Variants in MYO3B observed in about 807,000 individuals in gnomAD.
MYO3B encodes the protein myosin IIIB.
Under a neutral mutation model 174.6 loss-of-function variants are expected in MYO3B, and 156 were observed. The ratio of observed to expected loss-of-function variants is 0.89; its 90% CI spans 0.78 to 1.02. The LOEUF is 1.02. Ranked by LOEUF, MYO3B falls within the 50% of genes least tolerant of loss-of-function variation. The pLI is 0.00. For missense variants in MYO3B, 1,632 were observed against 1,639.4 expected (o/e 1.00, Z 0.08); for synonymous variants, 563 against 569.1 (o/e 0.99, Z 0.15).
At chr2:170,580,295 A>C (rs1004600475) in intron 32 of MYO3B, among the ~76,000 whole-genome samples, 3 of 152,130 alleles carry the variant, frequency 2.0e-5, no homozygotes, top group Admixed American at 1.3e-4. Flanking sequence ...CTTGATATTC[A>C]ATTTTGTACC....
chr2:170,531,596 AGTT>A (rs998359984), intron 30 of MYO3B, among the ~76,000 whole-genome samples: 10 of 152,286 alleles, frequency 6.6e-5, no homozygotes, highest in East Asian at 1.9e-4. Flanking sequence ...TGATTAGAGG[AGTT>A]GTTGTTATCT....
chr2:170,323,053 GA>G (rs960845198), intron 7 of MYO3B, among the ~76,000 whole-genome samples: 67 of 150,694 alleles, frequency 4.4e-4, no homozygotes, highest in Admixed American at 1.5e-3. Flanking sequence ...CTTTGTTGAG[GA>G]AAAAAAAATC....
intron 32 of MYO3B, among the ~76,000 whole-genome samples, chr2:170,593,499 G>A (rs1195318323): frequency 1.3e-5 from 2 of 152,174 alleles, no homozygotes; most frequent in East Asian, 1.9e-4. Context: ...ATTGCAAGGT[G>A]CATAGCCCCT....
chr2:170,547,718 T>C (rs1347100168), intron 32 of MYO3B, among the ~76,000 whole-genome samples: 2 of 152,200 alleles, frequency 1.3e-5, no homozygotes, highest in East Asian at 3.8e-4. Context: ...AAAATAATCA[T>C]GCACTTGGAT....
intron 22 of MYO3B, among the ~76,000 whole-genome samples, chr2:170,411,154 G>A (rs2094543693): frequency 6.6e-6 from 1 of 152,166 alleles, no homozygotes; most frequent in Admixed American, 6.5e-5. Flanking sequence ...AACAGCCCCA[G>A]GATCACTTTC....
intron 9 of MYO3B, among the ~76,000 whole-genome samples, chr2:170,379,450 C>T (rs546012432): frequency 3.3e-5 from 5 of 152,284 alleles, no homozygotes; most frequent in African/African-American, 1.2e-4. Context: ...GCCTTGGCCG[C>T]CCAAAGTGCT....
chr2:170,599,958 A>G (rs546219934), intron 32 of MYO3B, among the ~76,000 whole-genome samples: 1 of 152,220 alleles, frequency 6.6e-6, no homozygotes, highest in East Asian at 1.9e-4. Context: ...TCTAGAAAAA[A>G]TTATTAAATT....
intron 1 of MYO3B, among the ~76,000 whole-genome samples, chr2:170,192,019 A>G (rs893694789): frequency 2.0e-5 from 3 of 151,988 alleles, no homozygotes; most frequent in Admixed American, 6.6e-5. Flanking sequence ...TGCTACTTTT[A>G]TCATGTTTTT....
chr2:170,402,032 G>A (rs562548032), intron 18 of MYO3B, among the ~76,000 whole-genome samples: 1 of 152,186 alleles, frequency 6.6e-6, no homozygotes, highest in Non-Finnish European at 1.5e-5. Flanking sequence ...TTGTACCCGA[G>A]AGGCAAAGGA....
chr2:170,473,310 T>G (rs959478575), intron 25 of MYO3B, among the ~76,000 whole-genome samples: 2 of 151,674 alleles, frequency 1.3e-5, no homozygotes, highest in African/African-American at 4.8e-5. Context: ...GCCCAGCTAA[T>G]TTTTTTGTAT....
At position 170,200,289 on chromosome 2, in the gene MYO3B, G is replaced by A; in HGVS notation, c.321+5G>A. On this transcript the variant is annotated splice_donor_5th_base_variant and intron_variant, in intron 3 of 34. Transcript: ENST00000408978. ...CAGCTGTGGCTGGTCCTGGAGGTAA[G>A]AGGCTCCCATTGGGTAACCAGTGAT... 1 of 1,608,910 alleles carries A rather than the reference G, an allele frequency of 6.2e-7. No individual in the cohort carries two copies. Among genetic ancestry groups the A allele is most frequent in the South Asian group, 1.1e-5 (1 of 90,074 alleles).
intron 9 of MYO3B, among the ~76,000 whole-genome samples, chr2:170,370,421 A>AT (rs2094232488): frequency 2.6e-5 from 4 of 151,710 alleles, no homozygotes; most frequent in South Asian, 4.2e-4. Flanking sequence ...CTCAGAGGGG[A>AT]TTTTTTTTCC....
At chr2:170,294,503 T>C (rs2093616470) in intron 7 of MYO3B, among the ~76,000 whole-genome samples, 1 of 152,064 alleles carries the variant, frequency 6.6e-6, no homozygotes, top group Non-Finnish European at 1.5e-5. Context: ...TTTACTGTGG[T>C]TATATACTGT....
intron 6 of MYO3B, among the ~76,000 whole-genome samples, chr2:170,224,427 T>C (rs2092931041): frequency 6.6e-6 from 1 of 152,130 alleles, no homozygotes; most frequent in African/African-American, 2.4e-5. Flanking sequence ...TTACAGTGTG[T>C]TCATATGGGA....
intron 32 of MYO3B, among the ~76,000 whole-genome samples, chr2:170,574,974 G>T (rs986610733): frequency 1.3e-5 from 2 of 152,082 alleles, no homozygotes; most frequent in Non-Finnish European, 2.9e-5. Context: ...TTAGAAGAGT[G>T]CAGGGAGATG....
intron 28 of MYO3B, among the ~76,000 whole-genome samples, chr2:170,513,675 TC>T (rs1688118578): frequency 6.6e-6 from 1 of 152,228 alleles, no homozygotes. Context: ...TGCTTTCATA[TC>T]TTTAATCTCT....
At chr2:170,609,314 C>T (rs2106358312) in intron 32 of MYO3B, among the ~76,000 whole-genome samples, 1 of 152,328 alleles carries the variant, frequency 6.6e-6, no homozygotes, top group Non-Finnish European at 1.5e-5. Flanking sequence ...ACATACCACA[C>T]ACACACGTAC....
Position 170,543,979 on chromosome 2 carries a change from C to T in MYO3B, c.3724C>T (p.Gln1242Ter). 6.2e-7 allele frequency: 1 copy of T among 1,612,102 alleles called. No homozygotes were observed. Residue 1242 changes from glutamine (Q) to a stop codon, truncating the protein, a stop_gained, in exon 32 of 35, where the codon CAA (glutamine) becomes TAA (stop). Coordinates refer to ENST00000408978, the MANE Select transcript of MYO3B (RefSeq NM_138995.5). LOFTEE classifies it high-confidence loss of function. ...AGGATTGAGTCTCTGGGGAGCCCCT[C>T]AAAAGCCTGGTAAGAAGAACGTTTT... ...QQGLSLWGAP[Q>*]KPGSENGLAQ...
At chr2:170,502,761 T>C (rs187872874) in intron 28 of MYO3B, among the ~76,000 whole-genome samples, 1 of 152,142 alleles carries the variant, frequency 6.6e-6, no homozygotes, top group African/African-American at 2.4e-5. Context: ...GAGAGAGTGA[T>C]AGGATTTCAC....
Sources: allele counts gnomAD v4.1 joint callset (sites outside exome capture counted in the v4.1 genomes callset), GRCh38; gene constraint gnomAD v4.1.1; transcripts MANE v1.5; gene names NCBI Gene and HGNC (gene_info 2026-07-23, HGNC 2026-07-21).